The following PPM1H variants were observed in gnomAD, a reference collection of about 807,000 sequenced individuals.
The protein encoded by PPM1H is protein phosphatase, Mg2+/Mn2+ dependent 1H, also known as protein phosphatase 1H.
In PPM1H, 27 loss-of-function variants were observed where a neutral mutation model predicts 54.9. The ratio of observed to expected loss-of-function variants is 0.49; its 90% confidence interval spans 0.36 to 0.68. The LOEUF (loss-of-function observed/expected upper bound fraction) is 0.68. PPM1H is among the 30% of genes least tolerant of loss of function. The probability of loss-of-function intolerance (pLI) is 0.00; values close to 1 mark genes in which losing one functional copy is unlikely to be tolerated. For missense variants in PPM1H, 596 were observed against 667.8 expected (o/e 0.89, Z 1.19); for synonymous variants, 305 against 270.8 (o/e 1.13, Z -1.24).
intron 8 of PPM1H, among the ~76,000 whole-genome samples, chr12:62,686,038 G>C (rs77584737): frequency 1.1e-3 from 164 of 152,306 alleles, no homozygotes; most frequent in African/African-American, 3.0e-3. Flanking sequence ...GAGGTTGACA[G>C]TTTCATTCTA....
intron 3 of PPM1H, among the ~76,000 whole-genome samples, chr12:62,799,266 G>A (rs941355146): frequency 9.9e-5 from 15 of 152,162 alleles, no homozygotes; most frequent in African/African-American, 3.4e-4. Context: ...AGCCATTAAT[G>A]GGCAGGAACA....
intron 1 of PPM1H, among the ~76,000 whole-genome samples, chr12:62,926,865 A>AACTGCTTGCACCCGGGAGG (rs1173272278): frequency 6.6e-6 from 1 of 152,154 alleles, no homozygotes; most frequent in Non-Finnish European, 1.5e-5. Flanking sequence ...GAGGCAGGAG[A>AACTGCTTGCACCCGGGAGG]ACTGCTTGCA....
At chr12:62,733,399 C>T (rs370868961) in intron 5 of PPM1H, among the ~76,000 whole-genome samples, 8 of 152,174 alleles carry the variant, frequency 5.3e-5, no homozygotes, top group Non-Finnish European at 7.4e-5. Flanking sequence ...GGATTAGAGG[C>T]GCGTGCCACC....
chr12:62,727,936 C>A (rs900948346), intron 5 of PPM1H, among the ~76,000 whole-genome samples: 1 of 152,062 alleles, frequency 6.6e-6, no homozygotes, highest in Non-Finnish European at 1.5e-5. Flanking sequence ...GCTGGGATTA[C>A]AGGCATGAGC....
At chr12:62,775,106 T>C (rs1279402687) in intron 4 of PPM1H, among the ~76,000 whole-genome samples, 1 of 152,224 alleles carries the variant, frequency 6.6e-6, no homozygotes, top group Admixed American at 6.5e-5. Context: ...TACATGAATG[T>C]CTGCGCTGGA....
chr12:62,800,347 T>C (rs1284737400), intron 3 of PPM1H, among the ~76,000 whole-genome samples: 6 of 151,792 alleles, frequency 4.0e-5, no homozygotes, highest in Admixed American at 3.9e-4. Context: ...TGTTTATTTG[T>C]TTTTTTGAGA....
intron 4 of PPM1H, among the ~76,000 whole-genome samples, chr12:62,777,109 A>C (rs925126347): frequency 6.6e-5 from 10 of 152,234 alleles, no homozygotes; most frequent in Non-Finnish European, 1.3e-4. Context: ...ACTGTGAAAT[A>C]ATAAAGCACA....
At chr12:62,817,152 T>TAAAAAAAAAAAA (rs2076873724) in intron 2 of PPM1H, among the ~76,000 whole-genome samples, 4 of 63,140 alleles carry the variant, frequency 6.3e-5, no homozygotes, top group Non-Finnish European at 1.2e-4. Flanking sequence ...AAAAAAAAAC[T>TAAAAAAAAAAAA]AAAAAAAAGA....
intron 1 of PPM1H, among the ~76,000 whole-genome samples, chr12:62,890,717 T>TACAC (rs5798665): frequency 1.5e-3 from 212 of 143,280 alleles, no homozygotes; most frequent in East Asian, 3.8e-3. Context: ...TGTGTGTGTA[T>TACAC]ACACACACAC....
Position 62,934,494 on chromosome 12 carries a change from T to G in PPM1H, c.243A>C (p.Ala81=). ...GCCGCCGGTGTCGCTGCACTCACTC[T>G]GCGTAGCCAGTGGCCCAGGGCAGCC... ...TRRLPWATGY[A]EVINAGKSTH... is the part of the protein sequence containing the mutation. Residue 81 remains alanine (A), a splice_region_variant and synonymous_variant, in exon 1 of 10, where the codon GCA becomes GCC. Coordinates refer to ENST00000228705, the MANE Select transcript of PPM1H (RefSeq NM_020700.2). This position sits in a 1 kb window ranked among gnomAD's most constrained non-coding sequence, Gnocchi z 4.2. 6.5e-7 allele frequency: 1 copy of G among 1,543,726 alleles called. No individual in the cohort carries two copies. The highest frequency in any genetic ancestry group is 8.7e-7 in the Non-Finnish European group (1 of 1,145,416).
intron 6 of PPM1H, among the ~76,000 whole-genome samples, chr12:62,719,321 T>C (rs2076251757): frequency 6.6e-6 from 1 of 152,204 alleles, no homozygotes; most frequent in South Asian, 2.1e-4. Context: ...CTTCTTTGAC[T>C]CTTTTGGAGA....
chr12:62,902,626 T>C (rs966098705), intron 1 of PPM1H, among the ~76,000 whole-genome samples: 1 of 152,198 alleles, frequency 6.6e-6, no homozygotes, highest in Non-Finnish European at 1.5e-5. Flanking sequence ...GGCTGAGGCC[T>C]TGGACAAGTC....
At chr12:62,718,948 GC>G (rs2076249656) in intron 6 of PPM1H, among the ~76,000 whole-genome samples, 1 of 152,128 alleles carries the variant, frequency 6.6e-6, no homozygotes, top group South Asian at 2.1e-4. Flanking sequence ...CTACTTAATT[GC>G]CCTGTTGCAG....
At chr12:62,891,094 G>A (rs1198979132) in intron 1 of PPM1H, among the ~76,000 whole-genome samples, 1 of 109,532 alleles carries the variant, frequency 9.1e-6, no homozygotes, top group Non-Finnish European at 1.7e-5. Flanking sequence ...GGGCAACAGA[G>A]CAAGACTCTC....
intron 4 of PPM1H, among the ~76,000 whole-genome samples, chr12:62,765,058 C>T (rs1017256452): frequency 6.6e-6 from 1 of 152,124 alleles, no homozygotes; most frequent in African/African-American, 2.4e-5. Flanking sequence ...CTCTGAAGGG[C>T]TTTGAGAGGA....
chr12:62,755,787 C>T (rs754700562), intron 4 of PPM1H: 21 of 944,690 alleles, frequency 2.2e-5, no homozygotes, highest in Non-Finnish European at 3.2e-5. Context: ...ACCCAGAAGA[C>T]TGTGGATGGC....
chr12:62,929,828 A>G (rs939035525), intron 1 of PPM1H, among the ~76,000 whole-genome samples: 3 of 152,208 alleles, frequency 2.0e-5, no homozygotes, highest in Non-Finnish European at 4.4e-5. Flanking sequence ...TAGCTGAAAT[A>G]GCTCAGGCTA....
intron 1 of PPM1H, among the ~76,000 whole-genome samples, chr12:62,843,166 A>G (rs535018255): frequency 1.3e-5 from 2 of 152,260 alleles, no homozygotes; most frequent in South Asian, 2.1e-4. Flanking sequence ...AAATACAAAA[A>G]TTAACCAGGC....
intron 8 of PPM1H, among the ~76,000 whole-genome samples, chr12:62,668,149 G>C (rs957273487): frequency 6.6e-6 from 1 of 152,164 alleles, no homozygotes; most frequent in African/African-American, 2.4e-5. Context: ...GGCAAAACTA[G>C]TAAGAATAAA....
Sources: allele counts gnomAD v4.1 joint callset (sites outside exome capture counted in the v4.1 genomes callset), GRCh38; gene constraint gnomAD v4.1.1; non-coding constraint Gnocchi (gnomAD v3.1); transcripts MANE v1.5; gene names NCBI Gene and HGNC (gene_info 2026-07-23, HGNC 2026-07-21).